The following PPP3CA variants were observed in gnomAD, a reference collection of about 807,000 sequenced individuals.
The protein encoded by PPP3CA is protein phosphatase 3 catalytic subunit alpha.
A neutral mutation model predicts 66.5 loss-of-function variants in PPP3CA; 14 were observed. That is an observed-to-expected ratio of 0.21 (90% CI 0.14 to 0.33). The LOEUF (loss-of-function observed/expected upper bound fraction) is 0.33, where lower values mean the gene tolerates loss of function less well. PPP3CA is among the 10% of genes least tolerant of loss of function. The pLI, the probability that PPP3CA is intolerant of heterozygous loss-of-function variation, is 1.00. For synonymous variants in PPP3CA, 232 were observed against 226.2 expected (o/e 1.03, Z -0.23); for missense variants, 317 against 639.5 (o/e 0.50, Z 5.44).
chr4:101,346,942 T>C lies in PPP3CA; in HGVS notation c.-146A>G. On this transcript the variant is annotated 5_prime_UTR_variant, in exon 1 of 14. Coordinates refer to ENST00000394854, the MANE Select transcript of PPP3CA (RefSeq NM_000944.5). Reference sequence around the variant, plus strand: ...TCGGCTGGAGGTCTAGGCTCTGAGCTGGCTTTAAAGTTGCTGCCTTTTCCG... The same window carrying C: ...TCGGCTGGAGGTCTAGGCTCTGAGCCGGCTTTAAAGTTGCTGCCTTTTCCG... The C allele has an allele frequency of 2.1e-6, 2 of 946,688 alleles. No homozygotes were observed. Among genetic ancestry groups the C allele is most frequent in the Non-Finnish European group, 3.2e-6 (2 of 626,610 alleles). The allele number at this position is 946,688 out of a possible 1,614,324, so 58.6% of individuals were successfully genotyped here. A position where few individuals can be genotyped will look rare whatever the true frequency, so the allele number is the denominator to read the frequency against.
chr4:101,226,035 T>A (rs1725771380), intron 1 of PPP3CA, among the ~76,000 whole-genome samples: 1 of 151,832 alleles, frequency 6.6e-6, no homozygotes, highest in Non-Finnish European at 1.5e-5. Context: ...CTGACATCCC[T>A]GAAAATTTGA....
chr4:101,066,274 T>C (rs1728676669), intron 8 of PPP3CA, among the ~76,000 whole-genome samples: 1 of 152,148 alleles, frequency 6.6e-6, no homozygotes, highest in African/African-American at 2.4e-5. Context: ...AGAAGAGCAC[T>C]GGACTGGAAA....
At chr4:101,193,873 A>C (rs1331144417) in intron 2 of PPP3CA, among the ~76,000 whole-genome samples, 2 of 152,214 alleles carry the variant, frequency 1.3e-5, no homozygotes, top group East Asian at 1.9e-4. Flanking sequence ...ATGGGGGCAA[A>C]CCATGGCAAA....
chr4:101,037,075 G>C (rs1265254346), intron 11 of PPP3CA, among the ~76,000 whole-genome samples: 1 of 152,138 alleles, frequency 6.6e-6, no homozygotes, highest in Non-Finnish European at 1.5e-5. Flanking sequence ...TCTGTAGCTG[G>C]GAAGGGTAAC....
intron 1 of PPP3CA, among the ~76,000 whole-genome samples, chr4:101,270,665 AT>A (rs2110265728): frequency 6.6e-6 from 1 of 152,316 alleles, no homozygotes; most frequent in African/African-American, 2.4e-5. Context: ...AAAAGGGTCC[AT>A]CCAACTTCCT....
chr4:101,302,810 C>T (rs1047725855), intron 1 of PPP3CA, among the ~76,000 whole-genome samples: 4 of 152,216 alleles, frequency 2.6e-5, no homozygotes, highest in African/African-American at 7.2e-5. Context: ...CAGAATACAA[C>T]ATGACAAGAC....
chr4:101,037,889 G>T (rs552523014), intron 11 of PPP3CA, among the ~76,000 whole-genome samples: 1 of 152,208 alleles, frequency 6.6e-6, no homozygotes, highest in East Asian at 1.9e-4. Flanking sequence ...AATACATTTA[G>T]AATTCATTAC....
chr4:101,172,629 T>C (rs1434328340), intron 2 of PPP3CA, among the ~76,000 whole-genome samples: 2 of 152,084 alleles, frequency 1.3e-5, no homozygotes, highest in Admixed American at 6.6e-5. Context: ...TCTAAGCACA[T>C]GTGGTCCCTT....
rs570536417 is a variant in PPP3CA, at chr4:101,303,382, C to T, written c.58+43357G>A. 2.4e-4 allele frequency among the ~76,000 whole-genome samples: 37 copies of T among 152,208 alleles called. No individual in the cohort carries two copies. The South Asian group carries it at 7.3e-3, about 30-fold the overall frequency. On this transcript the variant is annotated intron_variant, in intron 1 of 13. Coordinates refer to ENST00000394854, the MANE Select transcript of PPP3CA (RefSeq NM_000944.5). ...GTACACAAAAATATACAAACATATG[C>T]ATTTTTGTATTTTTTTCAGCAAAAT... is the stretch of plus-strand genomic sequence containing the variant.
chr4:101,346,695 C>T, intron 1 of PPP3CA, 44 bp downstream of exon 1: 2 of 1,568,850 alleles, frequency 1.3e-6, no homozygotes, highest in Non-Finnish European at 1.7e-6. Context: ...GCCCTGGCGC[C>T]TGCGGCACAC....
chr4:101,126,024 G>A (rs983961396), intron 2 of PPP3CA, among the ~76,000 whole-genome samples: 3 of 152,128 alleles, frequency 2.0e-5, no homozygotes, highest in Non-Finnish European at 2.9e-5. Flanking sequence ...AGATGTGCAG[G>A]TAAATTTATA....
chr4:101,063,496 G>T, intron 8 of PPP3CA, 139 bp from the exon 9 acceptor site: 1 of 925,512 alleles, frequency 1.1e-6, no homozygotes, highest in Non-Finnish European at 1.6e-6. Flanking sequence ...ATCCCAGAAT[G>T]CTTATACAAC....
In PPP3CA at chr4:101,091,833, A is replaced by ATAT. The variant is rs1437690129; in HGVS notation, c.782+1942_782+1943insATA. 4.3e-5 allele frequency among the ~76,000 whole-genome samples: 6 copies of ATAT among 138,034 alleles called. No individual in the cohort carries two copies. The East Asian group carries it at 7.9e-4, about 18-fold the overall frequency. The allele number at this position is 138,034 out of a possible 152,430, so 90.6% of individuals were successfully genotyped here. On this transcript the variant is annotated intron_variant, in intron 6 of 13. Transcript: ENST00000394854. The stretch of plus-strand genomic sequence containing the variant: ...AGTTCTTCAGTATCTAATAATAATA[A>ATAT]TAATAATAATAATAATAATAATAAT...
chr4:101,137,802 G>A (rs1317180480), intron 2 of PPP3CA, among the ~76,000 whole-genome samples: 1 of 149,890 alleles, frequency 6.7e-6, no homozygotes, highest in East Asian at 2.0e-4. Flanking sequence ...ATAAGAAAGA[G>A]AGCAATTTAC....
chr4:101,089,772 A>T (rs1342422463), intron 6 of PPP3CA, among the ~76,000 whole-genome samples: 1 of 152,176 alleles, frequency 6.6e-6, no homozygotes, highest in East Asian at 1.9e-4. Flanking sequence ...TTGAGTGTGC[A>T]AACTCTGGTC....
chr4:101,314,017 A>T (rs1288039512), intron 1 of PPP3CA, among the ~76,000 whole-genome samples: 1 of 152,234 alleles, frequency 6.6e-6, no homozygotes, highest in Non-Finnish European at 1.5e-5. Context: ...TAAAACAAAC[A>T]CTAATGAGAG....
At chr4:101,113,775 T>C (rs1239271045) in intron 2 of PPP3CA, among the ~76,000 whole-genome samples, 1 of 152,058 alleles carries the variant, frequency 6.6e-6, no homozygotes, top group Admixed American at 6.6e-5. Context: ...GGCTATAATA[T>C]TCACTTACTA....
chr4:101,213,033 A>C (rs958723778), intron 1 of PPP3CA, among the ~76,000 whole-genome samples: 3 of 152,160 alleles, frequency 2.0e-5, no homozygotes, highest in African/African-American at 4.8e-5. Flanking sequence ...CACATCTTAA[A>C]GTATGTCTTC....
chr4:101,073,592 T>TAA (rs762875048), intron 8 of PPP3CA, among the ~76,000 whole-genome samples: 7 of 152,156 alleles, frequency 4.6e-5, no homozygotes, highest in Non-Finnish European at 8.8e-5. Flanking sequence ...AAAAGAATAC[T>TAA]AAGAGGTTTT....
Sources: gnomAD v4.1 joint callset for allele counts (sites outside exome capture counted in the v4.1 genomes callset) on GRCh38, gnomAD v4.1.1 for gene constraint, MANE v1.5 for transcripts, NCBI Gene and HGNC (gene_info 2026-07-23, HGNC 2026-07-21) for gene names.